Variants in CADPS observed in about 807,000 individuals in gnomAD.
The protein encoded by CADPS is calcium-dependent secretion activator 1.
Under a neutral mutation model 167.3 loss-of-function variants are expected in CADPS, and 57 were observed. The ratio of observed to expected loss-of-function variants is 0.34; its 90% confidence interval spans 0.28 to 0.42. CADPS has a LOEUF of 0.42. Ranked by LOEUF, CADPS falls within the 20% of genes least tolerant of loss-of-function variation. The pLI, the probability that CADPS is intolerant of heterozygous loss-of-function variation, is 1.00. For missense variants in CADPS, 1,414 were observed against 1,738.1 expected (o/e 0.81, Z 3.32); for synonymous variants, 676 against 635.3 (o/e 1.06, Z -0.96).
intron 1 of CADPS, among the ~76,000 whole-genome samples, chr3:62,865,730 C>T (rs2081569398): frequency 6.6e-6 from 1 of 152,094 alleles, no homozygotes; most frequent in Admixed American, 6.6e-5. Flanking sequence ...ATGTTTTCTA[C>T]ATAGCATATT....
intron 1 of CADPS, among the ~76,000 whole-genome samples, chr3:62,791,457 A>G (rs1412489832): frequency 6.6e-6 from 1 of 152,236 alleles, no homozygotes; most frequent in Non-Finnish European, 1.5e-5. Context: ...CTAGAAATGC[A>G]GAATTGTTAG....
chr3:62,818,672 G>C (rs1405901486), intron 1 of CADPS, among the ~76,000 whole-genome samples: 1 of 152,182 alleles, frequency 6.6e-6, no homozygotes, highest in Non-Finnish European at 1.5e-5. Context: ...CAACTTCTCT[G>C]CTAGCTATTT....
intron 1 of CADPS, among the ~76,000 whole-genome samples, chr3:62,832,341 A>G (rs897670435): frequency 6.6e-6 from 1 of 152,248 alleles, no homozygotes; most frequent in Non-Finnish European, 1.5e-5. Context: ...ATAAAGTGGC[A>G]TTATGATCTC....
At chr3:62,832,201 T>A (rs2075213288) in intron 1 of CADPS, among the ~76,000 whole-genome samples, 1 of 152,208 alleles carries the variant, frequency 6.6e-6, no homozygotes, top group African/African-American at 2.4e-5. Context: ...CTTGGCTGCA[T>A]TTTAGAATCA....
chr3:62,779,716 C>G (rs929665689), intron 1 of CADPS: 26 of 419,156 alleles, frequency 6.2e-5, no homozygotes, highest in African/African-American at 5.3e-4. Context: ...ACAGTTGTGA[C>G]CAGTTTTCCA....
At chr3:62,808,501 T>G (rs2094224619) in intron 1 of CADPS, among the ~76,000 whole-genome samples, 1 of 152,100 alleles carries the variant, frequency 6.6e-6, no homozygotes, top group Non-Finnish European at 1.5e-5. Flanking sequence ...CATTCTTTAT[T>G]TTCCTTAGTG....
At chr3:62,849,282 T>C (rs1251340727) in intron 1 of CADPS, among the ~76,000 whole-genome samples, 1 of 148,462 alleles carries the variant, frequency 6.7e-6, no homozygotes, top group Non-Finnish European at 1.5e-5. Flanking sequence ...TTCTCCTGCC[T>C]GATTGCCCTG....
chr3:62,727,894 T>C (rs1333573766), intron 3 of CADPS, among the ~76,000 whole-genome samples: 2 of 151,954 alleles, frequency 1.3e-5, no homozygotes, highest in Non-Finnish European at 2.9e-5. Context: ...TTGTTCTTTT[T>C]CTGTAAGTTC....
In CADPS at chr3:62,516,088, G is replaced by C. The variant is rs1172349398; in HGVS notation, c.2552C>G (p.Ser851Cys). The change falls in exon 16 of 30, where the codon TCT (serine) becomes TGT (cysteine). Residue 851 changes from serine to cysteine, a missense_variant. Physicochemically the swap from Ser to Cys is moderately radical, Grantham distance 112. This residue lies in a region of CADPS where 529 missense variants were observed against 629.6 expected (regional missense o/e 0.84). Coordinates refer to ENST00000383710, the MANE Select transcript of CADPS (RefSeq NM_003716.4). Reference protein sequence around the residue: ...CLEQAALVNYSRLSEYAKIEE... With the variant: ...CLEQAALVNYCRLSEYAKIEE... ...GATTTTGGCATACTCTGAGAGCCGA[G>C]AATAGTTGACTAACGCAGCCTGTTC... 1 of 1,613,138 alleles carries C rather than the reference G, an allele frequency of 6.2e-7. No individual in the cohort carries two copies. The highest frequency in any genetic ancestry group is 1.3e-5 in the African/African-American group (1 of 74,870).
chr3:62,766,562 T>C (rs1278815377), intron 1 of CADPS, among the ~76,000 whole-genome samples: 1 of 152,216 alleles, frequency 6.6e-6, no homozygotes, highest in Non-Finnish European at 1.5e-5. Context: ...GCAGGGGTTT[T>C]CAAACTTTAT....
chr3:62,728,875 T>C (rs1300938353), intron 3 of CADPS, among the ~76,000 whole-genome samples: 2 of 151,894 alleles, frequency 1.3e-5, no homozygotes, highest in Non-Finnish European at 2.9e-5. Context: ...TTGTGTCCAC[T>C]AGGGTGGATA....
In CADPS at chr3:62,458,009, AC is replaced by A. The variant is rs1426159295; in HGVS notation, c.3636+7357del. On this transcript the variant is annotated intron_variant, in intron 26 of 29. Coordinates refer to ENST00000383710, the MANE Select transcript of CADPS (RefSeq NM_003716.4). This position sits in a 1 kb window ranked among gnomAD's most constrained non-coding sequence, Gnocchi z 4.6. ...GACGGGTTGATGGGTGCAGCAAACC[AC>A]CATGGCACATGTATACCTATGTAAC... Among the ~76,000 whole-genome samples, 1 of 152,184 alleles carries A rather than the reference AC, an allele frequency of 6.6e-6. No homozygotes were observed. The highest frequency in any genetic ancestry group is 1.5e-5 in the Non-Finnish European group (1 of 68,030).
rs556528716 is a variant in CADPS at position 62,547,864 on chromosome 3, T to C, written c.1966+2039A>G. On this transcript the variant is annotated intron_variant, in intron 11 of 29. Coordinates refer to ENST00000383710, the MANE Select transcript of CADPS (RefSeq NM_003716.4). The stretch of plus-strand genomic sequence containing the variant: ...AGGTTTTCTTTTTTAATCGATTTCT[T>C]GTCTCTAATTTTACTCCTGAATGTC... Among the ~76,000 whole-genome samples the C allele has an allele frequency of 5.3e-5, 8 of 152,242 alleles. No individual in the cohort carries two copies. The South Asian group carries it at 8.3e-4, about 16-fold the overall frequency.
At chr3:62,786,051 A>T (rs1189252750) in intron 1 of CADPS, among the ~76,000 whole-genome samples, 1 of 151,986 alleles carries the variant, frequency 6.6e-6, no homozygotes, top group African/African-American at 2.4e-5. Flanking sequence ...CGTCTCTACT[A>T]AAAATACAAA....
chr3:62,756,747 T>C (rs1342739348), intron 2 of CADPS, among the ~76,000 whole-genome samples: 2 of 152,134 alleles, frequency 1.3e-5, no homozygotes, highest in South Asian at 2.1e-4. Flanking sequence ...TGGAGAGCTG[T>C]AATTTATTTT....
intron 5 of CADPS, among the ~76,000 whole-genome samples, chr3:62,648,333 A>G (rs2069063871): frequency 6.6e-6 from 1 of 152,184 alleles, no homozygotes; most frequent in South Asian, 2.1e-4. Context: ...ACTTGTCTAC[A>G]TCTATATTTC....
chr3:62,474,033 A>C (rs1282481210), intron 24 of CADPS, 140 bp downstream of exon 24: 32 of 583,190 alleles, frequency 5.5e-5, no homozygotes, highest in Non-Finnish European at 2.6e-5. Context: ...CTGAACACTC[A>C]TCCATGGCTT....
chr3:62,504,468 T>C (rs1304239595), intron 17 of CADPS, among the ~76,000 whole-genome samples: 6 of 152,210 alleles, frequency 3.9e-5, no homozygotes, highest in South Asian at 4.1e-4. Flanking sequence ...TGAACCTGGG[T>C]AGAGAAAGAC....
chr3:62,664,945 T>C (rs1286144167), intron 3 of CADPS, among the ~76,000 whole-genome samples: 1 of 152,186 alleles, frequency 6.6e-6, no homozygotes, highest in Non-Finnish European at 1.5e-5. Flanking sequence ...TACTCATTCA[T>C]TCATTAAATT....
Sources: allele counts gnomAD v4.1 joint callset (sites outside exome capture counted in the v4.1 genomes callset), GRCh38; gene constraint gnomAD v4.1.1; regional missense constraint gnomAD v4.1.1; non-coding constraint Gnocchi (gnomAD v3.1); transcripts MANE v1.5; gene names NCBI Gene and HGNC (gene_info 2026-07-23, HGNC 2026-07-21).